CCDC169: variants seen among roughly 807,000 people sequenced by gnomAD.
The protein encoded by CCDC169 is coiled-coil domain containing 169.
CCDC169 carries 30 observed loss-of-function variants against 36.0 expected under a neutral mutation model. That is an observed-to-expected ratio of 0.83 (90% CI 0.62 to 1.13). The LOEUF is 1.13. Ranked by LOEUF, CCDC169 falls within the 50% of genes most tolerant of loss-of-function variation. The probability of loss-of-function intolerance (pLI) is 0.00; values close to 1 mark genes in which losing one functional copy is unlikely to be tolerated. For synonymous variants in CCDC169, 85 were observed against 81.5 expected (o/e 1.04, Z -0.23); for missense variants, 245 against 245.9 (o/e 1.00, Z 0.03).
At chr13:36,243,002 T>C (rs1872034873) in intron 7 of CCDC169, among the ~76,000 whole-genome samples, 1 of 152,186 alleles carries the variant, frequency 6.6e-6, no homozygotes, top group South Asian at 2.1e-4. Context: ...AGCCATGACT[T>C]GGAAAGGACA....
intron 2 of CCDC169, among the ~76,000 whole-genome samples, chr13:36,292,366 T>A (rs764624865): frequency 3.0e-4 from 45 of 152,176 alleles, no homozygotes; most frequent in African/African-American, 8.7e-4. Context: ...TCAATTTTTT[T>A]AAAAAACGTA....
chr13:36,250,024 A>G (rs901961208), intron 6 of CCDC169, among the ~76,000 whole-genome samples: 1 of 152,196 alleles, frequency 6.6e-6, no homozygotes, highest in Non-Finnish European at 1.5e-5. Flanking sequence ...ACTCAGGTAC[A>G]AAGACAAACG....
intron 6 of CCDC169, among the ~76,000 whole-genome samples, chr13:36,251,400 T>G (rs872722): frequency 0.41 from 61,556 of 151,946 alleles, 13,239 homozygotes; most frequent in Non-Finnish European, 0.48. Flanking sequence ...CTGGGGACAG[T>G]ATTAACATCT....
At chr13:36,255,164 A>T (rs751519) in intron 4 of CCDC169, among the ~76,000 whole-genome samples, 61,634 of 152,040 alleles carry the variant, frequency 0.41, 13,277 homozygotes, top group Non-Finnish European at 0.48. Flanking sequence ...GGCCAGTTCT[A>T]GGAACAACTT....
chr13:36,222,137 T>A (rs1013665088), downstream of CCDC169: 5 of 152,098 alleles, frequency 3.3e-5, no homozygotes, highest in African/African-American at 1.2e-4. Flanking sequence ...TAGTCAAAAA[T>A]ATATGAAACA....
At chr13:36,261,271 C>T (rs1221929669) in intron 4 of CCDC169, among the ~76,000 whole-genome samples, 1 of 152,122 alleles carries the variant, frequency 6.6e-6, no homozygotes, top group African/African-American at 2.4e-5. Flanking sequence ...TGGGTCCCTT[C>T]CCACCAAGAC....
At chr13:36,274,970 A>G (rs1189967504) in intron 4 of CCDC169, among the ~76,000 whole-genome samples, 4 of 146,180 alleles carry the variant, frequency 2.7e-5, no homozygotes, top group Admixed American at 1.4e-4. Flanking sequence ...CCAGGTTCAC[A>G]CCATTCTCCT....
intron 7 of CCDC169, among the ~76,000 whole-genome samples, chr13:36,233,119 A>AAC (rs375819430): frequency 2.6e-5 from 4 of 152,104 alleles, no homozygotes; most frequent in African/African-American, 7.2e-5. Flanking sequence ...GGCATGCTCC[A>AAC]ACACACACAC....
In CCDC169 at chr13:36,231,303, T is replaced by C. The variant is rs1359254055; in HGVS notation, c.546-11A>G. On this transcript the variant is annotated splice_polypyrimidine_tract_variant and intron_variant, in intron 7 of 7. Coordinates refer to ENST00000239859, the MANE Select transcript of CCDC169 (RefSeq NM_001144981.3). The stretch of plus-strand genomic sequence containing the variant: ...GGATTATATCTTCCACTGAAATAAA[T>C]AAGTGTTAATCATAATTTTTCAGTC... The C allele has an allele frequency of 1.9e-6, 3 of 1,550,344 alleles. No individual in the cohort carries two copies. Among genetic ancestry groups the C allele is most frequent in the African/African-American group, 1.4e-5 (1 of 73,000 alleles).
At chr13:36,270,641 C>T (rs1205567079) in intron 4 of CCDC169, among the ~76,000 whole-genome samples, 4 of 152,180 alleles carry the variant, frequency 2.6e-5, no homozygotes, top group South Asian at 2.1e-4. Context: ...AGCTGATCTT[C>T]GACAAAGCAT....
chr13:36,248,902 T>TA (rs34674995), intron 6 of CCDC169, among the ~76,000 whole-genome samples: 88,774 of 150,236 alleles, frequency 0.59, 26,799 homozygotes, highest in African/African-American at 0.72. Flanking sequence ...CCATGTGACT[T>TA]AAAAAAAAAA....
intron 2 of CCDC169, 137 bp from the exon 3 acceptor site, chr13:36,283,839 A>G: frequency 1.5e-6 from 1 of 680,226 alleles, no homozygotes; most frequent in Non-Finnish European, 2.4e-6. Flanking sequence ...AGAAGGAAAT[A>G]GTTATTAAGT....
intron 4 of CCDC169, among the ~76,000 whole-genome samples, chr13:36,271,379 C>T (rs563508852): frequency 1.7e-3 from 260 of 152,198 alleles, no homozygotes; most frequent in African/African-American, 5.9e-3. Flanking sequence ...GTAGATCTAC[C>T]ATGTGATCCA....
intron 7 of CCDC169, among the ~76,000 whole-genome samples, chr13:36,232,235 A>G (rs1870517198): frequency 6.6e-6 from 1 of 152,174 alleles, no homozygotes; most frequent in Non-Finnish European, 1.5e-5. Context: ...TGGACACCAT[A>G]AGAGGTGGAA....
At chr13:36,251,594 T>C (rs150649220) in intron 6 of CCDC169, among the ~76,000 whole-genome samples, 12 of 152,194 alleles carry the variant, frequency 7.9e-5, no homozygotes, top group African/African-American at 2.7e-4. Context: ...ATCACCTTTT[T>C]CTTAATAACT....
intron 4 of CCDC169, among the ~76,000 whole-genome samples, chr13:36,276,198 A>G (rs1876799757): frequency 6.6e-6 from 1 of 152,204 alleles, no homozygotes; most frequent in African/African-American, 2.4e-5. Flanking sequence ...TTCCAAATTT[A>G]CTAAAAATTC....
intron 4 of CCDC169, among the ~76,000 whole-genome samples, chr13:36,271,880 C>T (rs532560079): frequency 6.6e-6 from 1 of 151,764 alleles, no homozygotes; most frequent in South Asian, 2.1e-4. Context: ...TTCAGGAGTT[C>T]GAGACCAACC....
intron 7 of CCDC169, among the ~76,000 whole-genome samples, chr13:36,240,274 A>T (rs1431881631): frequency 6.6e-6 from 1 of 151,924 alleles, no homozygotes; most frequent in Admixed American, 6.6e-5. Context: ...AAAATTATTT[A>T]AAATAATTAT....
At chr13:36,243,068 G>T (rs1872047676) in intron 7 of CCDC169, among the ~76,000 whole-genome samples, 1 of 152,204 alleles carries the variant, frequency 6.6e-6, no homozygotes, top group Non-Finnish European at 1.5e-5. Flanking sequence ...TCCTGCCAGA[G>T]GAAGAAAAGG....
Sources: allele counts gnomAD v4.1 joint callset (sites outside exome capture counted in the v4.1 genomes callset), GRCh38; gene constraint gnomAD v4.1.1; transcripts MANE v1.5; gene names NCBI Gene and HGNC (gene_info 2026-07-23, HGNC 2026-07-21).